PARL: variants seen among roughly 807,000 people sequenced by gnomAD.
PARL encodes presenilin-associated rhomboid-like protein, mitochondrial.
Under a neutral mutation model 51.6 loss-of-function variants are expected in PARL, and 44 were observed. The ratio of observed to expected loss-of-function variants is 0.85; its 90% CI spans 0.67 to 1.10. PARL has a LOEUF of 1.10. Among genes scored for constraint, PARL ranks in the 50% least tolerant of loss-of-function variants. The probability of loss-of-function intolerance (pLI) is 0.00; values close to 1 mark genes in which losing one functional copy is unlikely to be tolerated. For synonymous variants in PARL, 172 were observed against 164.0 expected (o/e 1.05, Z -0.37); for missense variants, 441 against 469.5 (o/e 0.94, Z 0.56).
downstream of PARL, chr3:183,826,693 C>T: frequency 1.0e-6 from 1 of 985,226 alleles, no homozygotes; most frequent in South Asian, 4.7e-5. Flanking sequence ...GGCCATGTCC[C>T]AGCAGGCAGC....
intron 9 of PARL, among the ~76,000 whole-genome samples, chr3:183,832,574 A>T (rs948107255): frequency 1.1e-4 from 17 of 152,194 alleles, no homozygotes; most frequent in African/African-American, 4.1e-4. Context: ...TTGTCGCGGA[A>T]CAAAATAAAA....
chr3:183,848,345 C>T (rs1183202514), intron 4 of PARL, among the ~76,000 whole-genome samples: 1 of 152,148 alleles, frequency 6.6e-6, no homozygotes, highest in Admixed American at 6.5e-5. Flanking sequence ...GGGTTCACAC[C>T]ATTCTCCTGC....
chr3:183,850,863 A>C (rs1029419878), intron 4 of PARL, among the ~76,000 whole-genome samples: 10 of 152,226 alleles, frequency 6.6e-5, no homozygotes, highest in Admixed American at 6.5e-4. Flanking sequence ...TTTCATATTA[A>C]CAGTTGGAAG....
chr3:183,848,934 A>C (rs1730263106), intron 4 of PARL, among the ~76,000 whole-genome samples: 2 of 152,216 alleles, frequency 1.3e-5, no homozygotes, highest in Admixed American at 6.5e-5. Flanking sequence ...ATAGACCTTA[A>C]GACAAAATTC....
intron 6 of PARL, 64 bp from the exon 7 acceptor site, chr3:183,840,704 C>A: frequency 2.5e-5 from 19 of 747,402 alleles, no homozygotes; most frequent in African/African-American, 3.7e-5. Context: ...TTTTTTTTTT[C>A]TTTTCTTTTT....
At chr3:183,848,980 GA>G (rs1219727648) in intron 4 of PARL, among the ~76,000 whole-genome samples, 2 of 152,102 alleles carry the variant, frequency 1.3e-5, no homozygotes, top group Non-Finnish European at 2.9e-5. Flanking sequence ...ATATAATGAT[GA>G]AAAGGTCAAT....
chr3:183,838,033 T>TTC (rs1418461851), intron 7 of PARL, among the ~76,000 whole-genome samples: 2 of 151,704 alleles, frequency 1.3e-5, no homozygotes, highest in East Asian at 3.9e-4. Context: ...TTTCTTTTTT[T>TTC]TTTTTTGAGA....
rs189325302 is a variant in PARL at position 183,866,761 on chromosome 3, G to A, written c.326C>T (p.Thr109Ile). Residue 109 changes from threonine (T) to isoleucine (I), a missense_variant, in exon 3 of 10, where the codon ACA becomes ATA. Transcript: ENST00000317096. ...AGCAGCTGATCCAAATGCACAGCCT[G>A]TAAACTATATAAAATTAGATATATT... Reference protein sequence around the residue: ...IKPLFFTVGFTGCAFGSAAIW... With the variant: ...IKPLFFTVGFIGCAFGSAAIW... 16 of 1,590,148 alleles carry A rather than the reference G, an allele frequency of 1.0e-5. No homozygotes were observed. In the Admixed American group the frequency reaches 2.7e-4, roughly 27 times the overall value.
intron 9 of PARL, 51 bp from the exon 10 acceptor site, chr3:183,829,760 G>A: frequency 4.9e-6 from 7 of 1,416,838 alleles, no homozygotes; most frequent in Non-Finnish European, 7.0e-6. Flanking sequence ...ACATACAAAT[G>A]GTAAGTAGCA....
At chr3:183,835,873 CA>C (rs1728514663) in intron 7 of PARL, among the ~76,000 whole-genome samples, 2 of 151,524 alleles carry the variant, frequency 1.3e-5, no homozygotes, top group African/African-American at 2.4e-5. Flanking sequence ...CACGTTTCCC[CA>C]AAATGAAGCA....
At chr3:183,826,758 G>C (rs1323230646), downstream of PARL, 1 of 985,324 alleles carries the variant, frequency 1.0e-6, no homozygotes, top group East Asian at 1.1e-4. Context: ...CAGGGGCCGG[G>C]TCAGAGTGAA....
rs1219374846 is a variant in PARL, at chr3:183,882,290, CACAT to C, written c.125+2428_125+2431del. Among the ~76,000 whole-genome samples the C allele has an allele frequency of 1.1e-4, 10 of 92,130 alleles. No individual in the cohort carries two copies. In the East Asian group the frequency reaches 2.7e-3, roughly 25 times the overall value. 60.4% of individuals were successfully genotyped at this position (92,130 alleles called of 152,430 possible). A position where few individuals can be genotyped will look rare whatever the true frequency, so the allele number is the denominator to read the frequency against. On this transcript the variant is annotated intron_variant, in intron 1 of 9. Transcript: ENST00000317096. Reference sequence around the variant, plus strand: ...ATATTTATATATATATATACACACACACATATATATACACACACATATATACACA... The same window carrying C: ...ATATTTATATATATATATACACACACATATATACACACACATATATACACA...
intron 7 of PARL, among the ~76,000 whole-genome samples, chr3:183,836,947 G>T (rs989748948): frequency 6.6e-5 from 10 of 152,052 alleles, no homozygotes; most frequent in Admixed American, 6.6e-4. Context: ...CACCATGTTG[G>T]CCAGGCTGGT....
At chr3:183,880,083 T>C (rs1428071278) in intron 1 of PARL, among the ~76,000 whole-genome samples, 1 of 152,118 alleles carries the variant, frequency 6.6e-6, no homozygotes, top group Admixed American at 6.6e-5. Flanking sequence ...TAAATGTCCC[T>C]AATTGCAAAT....
At chr3:183,838,307 G>A (rs765452132) in intron 7 of PARL, among the ~76,000 whole-genome samples, 56 of 152,300 alleles carry the variant, frequency 3.7e-4, no homozygotes, top group East Asian at 7.7e-4. Context: ...GCCTACAGGC[G>A]TGAGCCACTG....
intron 7 of PARL, among the ~76,000 whole-genome samples, chr3:183,840,218 G>C (rs1169214985): frequency 6.6e-6 from 1 of 152,136 alleles, no homozygotes; most frequent in Non-Finnish European, 1.5e-5. Context: ...GGAGGATAAA[G>C]TACCAGATTC....
chr3:183,873,324 G>A (rs1733426306), intron 1 of PARL, among the ~76,000 whole-genome samples: 1 of 152,124 alleles, frequency 6.6e-6, no homozygotes, highest in Non-Finnish European at 1.5e-5. Context: ...TGGCCAACAT[G>A]GTGAAACTCC....
At chr3:183,839,233 C>A (rs1438315486) in intron 7 of PARL, among the ~76,000 whole-genome samples, 1 of 152,100 alleles carries the variant, frequency 6.6e-6, no homozygotes, top group African/African-American at 2.4e-5. Context: ...CATAAGAATT[C>A]TTTTCAAAAT....
intron 1 of PARL, among the ~76,000 whole-genome samples, chr3:183,868,705 C>T (rs1484455289): frequency 6.6e-6 from 1 of 152,174 alleles, no homozygotes; most frequent in African/African-American, 2.4e-5. Flanking sequence ...CATGGTGCCC[C>T]ACCAGTTGTC....
Sources: allele counts gnomAD v4.1 joint callset (sites outside exome capture counted in the v4.1 genomes callset), GRCh38; gene constraint gnomAD v4.1.1; transcripts MANE v1.5; gene names NCBI Gene and HGNC (gene_info 2026-07-23, HGNC 2026-07-21).